XKR6: variants seen among roughly 807,000 people sequenced by gnomAD.
XKR6 encodes the protein XK related 6, also known as XK-related protein 6.
XKR6 carries 22 observed loss-of-function variants against 56.7 expected under a neutral mutation model. That is an observed-to-expected ratio of 0.39 (90% CI 0.28 to 0.55). The LOEUF (loss-of-function observed/expected upper bound fraction) is 0.55. XKR6 is among the 20% of genes least tolerant of loss of function. The probability of loss-of-function intolerance (pLI) is 0.66; values close to 1 mark genes in which losing one functional copy is unlikely to be tolerated. For synonymous variants in XKR6, 524 were observed against 387.8 expected, an observed-to-expected ratio of 1.35 and a Z score of -4.13; for missense variants, 852 against 889.0, an observed-to-expected ratio of 0.96 and a Z score of 0.53.
chr8:11,139,194 T>A (rs1278860784), intron 1 of XKR6, among the ~76,000 whole-genome samples: 1 of 152,194 alleles, frequency 6.6e-6, no homozygotes, highest in South Asian at 2.1e-4. Context: ...CTTTCCTCCA[T>A]GAAATAAGAT....
chr8:10,997,325 T>C (rs1032338292), intron 1 of XKR6, among the ~76,000 whole-genome samples: 17 of 152,156 alleles, frequency 1.1e-4, no homozygotes, highest in Non-Finnish European at 7.3e-5. Flanking sequence ...GAACAACCTC[T>C]TGAGGTGACC....
chr8:11,036,216 A>G (rs1354867606), intron 1 of XKR6, among the ~76,000 whole-genome samples: 1 of 152,092 alleles, frequency 6.6e-6, no homozygotes, highest in East Asian at 1.9e-4. Context: ...CCAAAGTGCT[A>G]AGATCACAGG....
chr8:11,002,122 CA>C (rs1449743004), intron 1 of XKR6, among the ~76,000 whole-genome samples: 1 of 151,282 alleles, frequency 6.6e-6, no homozygotes, highest in Non-Finnish European at 1.5e-5. Context: ...CAAGAAAGTG[CA>C]AATGCTTCCG....
chr8:11,057,739 C>G (rs1271796805), intron 1 of XKR6, among the ~76,000 whole-genome samples: 2 of 152,194 alleles, frequency 1.3e-5, no homozygotes, highest in Non-Finnish European at 2.9e-5. Flanking sequence ...CCTGTCAAAC[C>G]TCACCTCCTC....
chr8:10,953,065 A>C (rs1350329656), intron 1 of XKR6, among the ~76,000 whole-genome samples: 1 of 152,022 alleles, frequency 6.6e-6, no homozygotes, highest in East Asian at 1.9e-4. Flanking sequence ...GTAGGAAAAC[A>C]AGCCCAGGGC....
At chr8:11,061,807 G>A (rs926727317) in intron 1 of XKR6, among the ~76,000 whole-genome samples, 1 of 152,198 alleles carries the variant, frequency 6.6e-6, no homozygotes, top group African/African-American at 2.4e-5. Flanking sequence ...GGCTGAAGAA[G>A]AGGCAGGAGG....
chr8:11,182,022 C>T (rs981815742), intron 1 of XKR6, among the ~76,000 whole-genome samples: 1 of 152,294 alleles, frequency 6.6e-6, no homozygotes, highest in Non-Finnish European at 1.5e-5. Flanking sequence ...CACACTCAAG[C>T]GATCCGCTCG....
chr8:11,192,801 C>T (rs6601567), intron 1 of XKR6, among the ~76,000 whole-genome samples: 2,538 of 152,206 alleles, frequency 0.017, 26 homozygotes, highest in Non-Finnish European at 0.028. Context: ...TTAATGGCCC[C>T]GTGGGCTCTC....
At chr8:11,106,540 G>A (rs970625954) in intron 1 of XKR6, 3 of 152,334 alleles carry the variant, frequency 2.0e-5, no homozygotes, top group African/African-American at 7.2e-5. Flanking sequence ...CCAAACAACT[G>A]AAAGGCTACC....
At chr8:11,074,272 T>C (rs1039868180) in intron 1 of XKR6, among the ~76,000 whole-genome samples, 1 of 152,196 alleles carries the variant, frequency 6.6e-6, no homozygotes, top group Non-Finnish European at 1.5e-5. Flanking sequence ...CTCTGTCTAG[T>C]GTGCCGTTTC....
chr8:11,130,215 T>C (rs1047018376), intron 1 of XKR6, among the ~76,000 whole-genome samples: 1 of 152,150 alleles, frequency 6.6e-6, no homozygotes, highest in Non-Finnish European at 1.5e-5. Flanking sequence ...TTAAGATGTG[T>C]GCACTCAGTT....
At chr8:11,099,500 G>A (rs180914643) in intron 1 of XKR6, among the ~76,000 whole-genome samples, 17 of 152,344 alleles carry the variant, frequency 1.1e-4, no homozygotes, top group African/African-American at 4.1e-4. Flanking sequence ...GCCCTGCCTG[G>A]AGAGCGAGCT....
intron 1 of XKR6, among the ~76,000 whole-genome samples, chr8:10,964,969 T>G (rs534279268): frequency 3.9e-4 from 59 of 152,344 alleles, no homozygotes; most frequent in African/African-American, 1.3e-3. Flanking sequence ...TTTACAGGCT[T>G]CCTCCACTAG....
chr8:10,960,283 G>T (rs990886567), intron 1 of XKR6, among the ~76,000 whole-genome samples: 9 of 152,248 alleles, frequency 5.9e-5, no homozygotes, highest in African/African-American at 2.2e-4. Flanking sequence ...GGTATAGCAG[G>T]TGGGTCAGGA....
chr8:10,899,812 C>T (rs988226949), intron 2 of XKR6, among the ~76,000 whole-genome samples: 1 of 152,154 alleles, frequency 6.6e-6, no homozygotes, highest in African/African-American at 2.4e-5. Context: ...TTTGAGTGTG[C>T]CTAATCCCAA....
Position 10,898,755 on chromosome 8 carries a change from A to G in XKR6, c.1123T>C (p.Phe375Leu). The change falls in exon 3 of 3, where the codon TTT becomes CTT. Residue 375 changes from phenylalanine to leucine, a missense_variant. Coordinates refer to ENST00000416569, the MANE Select transcript of XKR6 (RefSeq NM_173683.4). This position sits in a 1 kb window ranked among gnomAD's most constrained non-coding sequence, Gnocchi z 6.6. Reference sequence around the variant, plus strand: ...TGGAAGATGGAAGCAAAGAGGGCAAAAGAGATCACTCGGGATGAGATGGTG... The same window carrying G: ...TGGAAGATGGAAGCAAAGAGGGCAAGAGAGATCACTCGGGATGAGATGGTG... ...LFTISSRVIS[F>L]ALFASIFQLY... 1 of 1,614,148 alleles carries G rather than the reference A, an allele frequency of 6.2e-7. No individual in the cohort carries two copies. The highest frequency in any genetic ancestry group is 8.5e-7 in the Non-Finnish European group (1 of 1,180,038).
chr8:11,020,266 A>G (rs1427103356), intron 1 of XKR6, among the ~76,000 whole-genome samples: 2 of 152,142 alleles, frequency 1.3e-5, no homozygotes, highest in African/African-American at 4.8e-5. Flanking sequence ...CAGTGTAGGA[A>G]GCCGACACCG....
rs545267821 is a variant in XKR6 at position 11,177,239 on chromosome 8, C to A, written c.764+23337G>T. On this transcript the variant is annotated intron_variant, in intron 1 of 2. Coordinates refer to ENST00000416569, the MANE Select transcript of XKR6 (RefSeq NM_173683.4). ...ACAGCTACAAAGACTCTTTCCTGCT[C>A]TCCTATAGCGAAGCTGTAGATTTGC... Among the ~76,000 whole-genome samples the A allele has an allele frequency of 3.9e-5, 6 of 152,316 alleles. No homozygotes were observed. In the South Asian group the frequency reaches 1.2e-3, roughly 32 times the overall value.
intron 1 of XKR6, among the ~76,000 whole-genome samples, chr8:11,172,393 G>C (rs1360348927): frequency 2.0e-5 from 3 of 152,070 alleles, no homozygotes; most frequent in African/African-American, 7.2e-5. Context: ...AAATTACCCA[G>C]TCTCTAGTAT....
Sources: allele counts gnomAD v4.1 joint callset (sites outside exome capture counted in the v4.1 genomes callset), GRCh38; gene constraint gnomAD v4.1.1; non-coding constraint Gnocchi (gnomAD v3.1); transcripts MANE v1.5; gene names NCBI Gene and HGNC (gene_info 2026-07-23, HGNC 2026-07-21).